Variants in FBXL18 observed in about 807,000 individuals in gnomAD.
FBXL18 encodes the protein F-box and leucine rich repeat protein 18, also known as F-box/LRR-repeat protein 18.
FBXL18 carries 36 observed loss-of-function variants against 46.0 expected under a neutral mutation model. The observed-to-expected ratio is 0.78, with a 90% CI of 0.60 to 1.03. The LOEUF is 1.03. Ranked by LOEUF, FBXL18 falls within the 50% of genes least tolerant of loss-of-function variation. FBXL18 has a pLI of 0.00. For synonymous variants in FBXL18, 557 were observed against 465.3 expected, an observed-to-expected ratio of 1.20 and a Z score of -2.54; for missense variants, 977 against 1,004.1, an observed-to-expected ratio of 0.97 and a Z score of 0.36.
chr7:5,508,475 G>A (rs1396740713), intron 1 of FBXL18, among the ~76,000 whole-genome samples: 1 of 151,154 alleles, frequency 6.6e-6, no homozygotes, highest in East Asian at 1.9e-4. Flanking sequence ...GGGACACAGT[G>A]GCATGTGCCT....
At chr7:5,466,087 GGA>G (rs1179294091) in intron 4 of FBXL18, among the ~76,000 whole-genome samples, 10 of 151,580 alleles carry the variant, frequency 6.6e-5, no homozygotes, top group African/African-American at 2.4e-4. Context: ...CAAAATGCTG[GGA>G]TTATAGGCGT....
chr7:5,470,149 G>A (rs140133817), intron 4 of FBXL18, among the ~76,000 whole-genome samples: 2,200 of 152,222 alleles, frequency 0.014, 58 homozygotes, highest in African/African-American at 0.05. Flanking sequence ...GGGCAGTGAC[G>A]CTGGGGCACC....
At chr7:5,487,464 C>A (rs1783804529) in intron 4 of FBXL18, among the ~76,000 whole-genome samples, 1 of 152,212 alleles carries the variant, frequency 6.6e-6, no homozygotes, top group Non-Finnish European at 1.5e-5. Context: ...CAGCACAGAG[C>A]CTGGAGGTCC....
At chr7:5,500,324 T>A (rs1784200232) in intron 3 of FBXL18, among the ~76,000 whole-genome samples, 164 bp downstream of exon 3, 1 of 152,016 alleles carries the variant, frequency 6.6e-6, no homozygotes, top group African/African-American at 2.4e-5. Context: ...CTCCTCTAGA[T>A]GCCGCTCTCC....
chr7:5,506,090 T>C (rs1784388310), intron 1 of FBXL18, among the ~76,000 whole-genome samples: 2 of 152,014 alleles, frequency 1.3e-5, no homozygotes, highest in Non-Finnish European at 2.9e-5. Flanking sequence ...GATTTCAAAC[T>C]CCTGGGCAAG....
intron 3 of FBXL18, among the ~76,000 whole-genome samples, chr7:5,494,798 G>A (rs1784030364): frequency 6.6e-6 from 1 of 152,354 alleles, no homozygotes; most frequent in South Asian, 2.1e-4. Context: ...TCACTAGGTG[G>A]CGATGCGGCT....
At chr7:5,498,245 G>A (rs1466005412) in intron 3 of FBXL18, among the ~76,000 whole-genome samples, 2 of 151,730 alleles carry the variant, frequency 1.3e-5, no homozygotes, top group African/African-American at 2.4e-5. Context: ...CCACCACCAC[G>A]CCCAGCTAAT....
chr7:5,502,812 G>A lies in FBXL18; in HGVS notation c.238-781C>T, dbSNP rs184705050. ...CATTGCACTCCAACCTGGTGACAGA[G>A]CAAGACTCCATCTCAAAAAAGAAAA... On this transcript the variant is annotated intron_variant, in intron 2 of 4. Transcript: ENST00000382368. 4.9e-3 allele frequency among the ~76,000 whole-genome samples: 721 copies of A among 146,118 alleles called. 9 individuals are homozygous for A. Among genetic ancestry groups the A allele is most frequent in the Middle Eastern group, 0.021 (6 of 288 alleles).
intron 4 of FBXL18, among the ~76,000 whole-genome samples, chr7:5,463,060 T>C (rs2128231099): frequency 7.1e-6 from 1 of 141,244 alleles, no homozygotes; most frequent in East Asian, 2.1e-4. Context: ...CCAACCTTAT[T>C]AACCATCAGG....
Position 5,496,888 on chromosome 7 carries a change from G to A in FBXL18, c.1781+3600C>T, listed in dbSNP as rs896152475. ...TAAAAATACAAAAAAAAAATTAGCC[G>A]AGTATGGTGGTGGGCACCTGTAATC... On this transcript the variant is annotated intron_variant, in intron 3 of 4. Transcript: ENST00000382368. This position sits in a 1 kb window ranked among gnomAD's most constrained non-coding sequence, Gnocchi z 4.8. Among the ~76,000 whole-genome samples, 4 of 151,986 alleles carry A rather than the reference G, an allele frequency of 2.6e-5. No homozygotes were observed. Among genetic ancestry groups the A allele is most frequent in the Admixed American group, 2.0e-4 (3 of 15,242 alleles).
chr7:5,473,989 G>A (rs1783468085), downstream of FBXL18, among the ~76,000 whole-genome samples: 1 of 151,948 alleles, frequency 6.6e-6, no homozygotes, highest in Non-Finnish European at 1.5e-5. Flanking sequence ...TAGAGATGGG[G>A]TTTCACCATG....
At chr7:5,491,147 C>T (rs951476287) in intron 4 of FBXL18, 84 bp downstream of exon 4, 2 of 1,262,670 alleles carry the variant, frequency 1.6e-6, no homozygotes, top group Non-Finnish European at 1.1e-6. Context: ...CACTGGTAGG[C>T]ACTCGGTGAA....
At position 5,491,341 on chromosome 7, in the gene FBXL18, G is replaced by T; in HGVS notation, c.1890C>A (p.Pro630=). The T allele has an allele frequency of 6.2e-7, 1 of 1,611,538 alleles. No individual in the cohort carries two copies. The change falls in exon 4 of 5, where the codon CCC becomes CCA. Residue 630 remains proline, a synonymous_variant. Transcript: ENST00000382368. ...CLVSRSGTLQ[P]DAVLAFMARC... ...GAGCCATGAAGGCCAGCACGGCATC[G>T]GGCTGGAGGGTGCCGCTGCGAGAGA...
At chr7:5,456,755 G>C (rs1584176026) in intron 4 of FBXL18, among the ~76,000 whole-genome samples, 1 of 152,070 alleles carries the variant, frequency 6.6e-6, no homozygotes, top group East Asian at 1.9e-4. Context: ...AGAACAGAAT[G>C]GGCCAGTCCC....
At position 5,491,219 on chromosome 7, in the gene FBXL18, C is replaced by T; in HGVS notation, c.2000+12G>A. On this transcript the variant is annotated intron_variant, in intron 4 of 4. Coordinates refer to ENST00000382368, the MANE Select transcript of FBXL18 (RefSeq NM_024963.6). ...GCGGCCCCTGAAGCTGTACGCAACC[C>T]ACATCACTCACCTGCGGAGAAGCGA... The T allele has an allele frequency of 6.2e-7, 1 of 1,604,718 alleles. No individual in the cohort carries two copies. Among genetic ancestry groups the T allele is most frequent in the Non-Finnish European group, 8.5e-7 (1 of 1,175,706 alleles).
chr7:5,461,054 C>T (rs1416781127), intron 4 of FBXL18, among the ~76,000 whole-genome samples: 1 of 152,202 alleles, frequency 6.6e-6, no homozygotes, highest in African/African-American at 2.4e-5. Flanking sequence ...TGCATTAGGT[C>T]CCCGCCAGCC....
chr7:5,500,947 A>G lies in FBXL18; in HGVS notation c.1322T>C (p.Met441Thr), dbSNP rs1366984254. Residue 441 changes from methionine to threonine, a missense_variant, in exon 3 of 5, where the codon ATG (methionine) becomes ACG (threonine). By Grantham distance (81) the Met-to-Thr change is moderately conservative. Coordinates refer to ENST00000382368, the MANE Select transcript of FBXL18 (RefSeq NM_024963.6). Reference protein sequence around the residue: ...RADRAPAQPAMHAVPRGFGKK... With the variant: ...RADRAPAQPATHAVPRGFGKK... ...GCCAAAGCCGCGCGGCACTGCGTGC[A>G]TGGCCGGCTGGGCGGGCGCGCGGTC... is the stretch of plus-strand genomic sequence containing the variant. 4 of 1,545,256 alleles carry G rather than the reference A, an allele frequency of 2.6e-6. No individual in the cohort carries two copies. The highest frequency in any genetic ancestry group is 2.7e-5 in the African/African-American group (2 of 72,798).
intron 4 of FBXL18, among the ~76,000 whole-genome samples, chr7:5,488,774 G>A (rs1193653593): frequency 6.6e-6 from 1 of 152,182 alleles, no homozygotes; most frequent in Non-Finnish European, 1.5e-5. Flanking sequence ...ACAGAGCTAG[G>A]GCGGAGCTGC....
At chr7:5,511,548 G>T (rs1317218606) in intron 1 of FBXL18, among the ~76,000 whole-genome samples, 1 of 151,970 alleles carries the variant, frequency 6.6e-6, no homozygotes, top group African/African-American at 2.4e-5. Flanking sequence ...AGAGGTTGCA[G>T]TGAGCCGAGA....
Sources: allele counts gnomAD v4.1 joint callset (sites outside exome capture counted in the v4.1 genomes callset), GRCh38; gene constraint gnomAD v4.1.1; non-coding constraint Gnocchi (gnomAD v3.1); transcripts MANE v1.5; gene names NCBI Gene and HGNC (gene_info 2026-07-23, HGNC 2026-07-21).